The following DOCK11 variants were observed in gnomAD, a reference collection of about 807,000 sequenced individuals.
The protein encoded by DOCK11 is dedicator of cytokinesis 11, also known as dedicator of cytokinesis protein 11.
A neutral mutation model predicts 169.1 loss-of-function variants in DOCK11; 70 were observed. The observed-to-expected ratio is 0.41, with a 90% CI of 0.34 to 0.51. DOCK11 has a LOEUF of 0.51. DOCK11 is among the 20% of genes least tolerant of loss of function. The pLI is 0.10. For missense variants in DOCK11, 1,166 were observed against 1,538.8 expected (o/e 0.76, Z 4.05); for synonymous variants, 529 against 541.3 (o/e 0.98, Z 0.32).
At chrX:118,676,456 C>T (rs1481473145) in intron 47 of DOCK11, 135 bp from the exon 48 acceptor site, 2 of 370,122 alleles carry the variant, frequency 5.4e-6, no homozygotes, top group Non-Finnish European at 8.9e-6. Context: ...AGGGTAAATA[C>T]AAGCATGGGA....
rs780431716 is a variant in DOCK11, at chrX:118,618,541, G to A, written c.3293-9G>A. The stretch of plus-strand genomic sequence containing the variant: ...TCATAAATGGGTTTTAAATTTCATT[G>A]TACTGCAGATTCAAATCTTGAATAC... On this transcript the variant is annotated splice_polypyrimidine_tract_variant and intron_variant, in intron 30 of 52. Coordinates refer to ENST00000276202, the MANE Select transcript of DOCK11 (RefSeq NM_144658.4). 39 of 1,174,316 alleles carry A rather than the reference G, an allele frequency of 3.3e-5. 1 individual carries two copies. The highest frequency in any genetic ancestry group is 3.3e-4 in the Middle Eastern group (1 of 3,023).
intron 1 of DOCK11, among the ~76,000 whole-genome samples, chrX:118,523,720 G>C (rs993205241): frequency 8.9e-6 from 1 of 111,832 alleles, no homozygotes; most frequent in Admixed American, 9.5e-5. Flanking sequence ...AGAAGAAAAT[G>C]AATATGTATT....
intron 40 of DOCK11, among the ~76,000 whole-genome samples, chrX:118,648,455 G>A (rs961840150): frequency 1.1e-5 from 1 of 95,117 alleles, no homozygotes; most frequent in African/African-American, 3.8e-5. Flanking sequence ...GAACATCAAC[G>A]TGCTGAGACA....
intron 51 of DOCK11, among the ~76,000 whole-genome samples, chrX:118,682,065 A>C (rs1298118816): frequency 9.0e-6 from 1 of 111,345 alleles, no homozygotes; most frequent in Non-Finnish European, 1.9e-5. Context: ...ACACAAACAC[A>C]AGCCTATGTT....
intron 40 of DOCK11, among the ~76,000 whole-genome samples, chrX:118,647,847 TATA>T (rs1276671352): frequency 3.8e-5 from 2 of 52,530 alleles, no homozygotes; most frequent in Non-Finnish European, 6.0e-5. Context: ...TAATATATAT[TATA>T]ATATAATATT....
intron 23 of DOCK11, among the ~76,000 whole-genome samples, chrX:118,603,131 A>G (rs1403300815): frequency 8.9e-6 from 1 of 112,196 alleles, no homozygotes; most frequent in Non-Finnish European, 1.9e-5. Flanking sequence ...TTAGGGGGTA[A>G]AGTCGTGTAA....
chrX:118,673,670 A>G (rs760481260), intron 46 of DOCK11, among the ~76,000 whole-genome samples: 237 of 111,596 alleles, frequency 2.1e-3, no homozygotes, highest in African/African-American at 7.2e-3. Flanking sequence ...TGAAATTTAT[A>G]TAACATACAA....
At chrX:118,519,034 A>G (rs1374328354) in intron 1 of DOCK11, among the ~76,000 whole-genome samples, 4 of 111,815 alleles carry the variant, frequency 3.6e-5, no homozygotes, top group African/African-American at 1.3e-4. Flanking sequence ...TGGACCTTTA[A>G]TTTTTCTGCC....
At chrX:118,614,983 G>C (rs2014774325) in intron 29 of DOCK11, among the ~76,000 whole-genome samples, 1 of 112,170 alleles carries the variant, frequency 8.9e-6, no homozygotes, top group Non-Finnish European at 1.9e-5. Context: ...AGGATTCACA[G>C]ACTCAACATA....
At chrX:118,575,279 T>C (rs1031764696) in intron 12 of DOCK11, among the ~76,000 whole-genome samples, 1 of 111,610 alleles carries the variant, frequency 9.0e-6, no homozygotes, top group African/African-American at 3.3e-5. Flanking sequence ...GTTTTATACC[T>C]ACTGTATTCT....
rs187051584 is a variant in DOCK11 at position 118,567,684 on chromosome X, C to T, written c.952-395C>T. ...CTGGCCTCGAGTGATCCACCCACTTCGGCCTCCCAAAGTGCTGGGATTACC... is the reference window on the plus strand; with the variant it reads ...CTGGCCTCGAGTGATCCACCCACTTTGGCCTCCCAAAGTGCTGGGATTACC... On this transcript the variant is annotated intron_variant, in intron 9 of 52. Coordinates refer to ENST00000276202, the MANE Select transcript of DOCK11 (RefSeq NM_144658.4). Among the ~76,000 whole-genome samples, 499 of 111,131 alleles carry T rather than the reference C, an allele frequency of 4.5e-3. 2 individuals carry two copies. Among genetic ancestry groups the T allele is most frequent in the African/African-American group, 0.015 (466 of 30,581 alleles).
intron 31 of DOCK11, among the ~76,000 whole-genome samples, chrX:118,621,636 T>G (rs1410202650): frequency 9.0e-6 from 1 of 110,778 alleles, no homozygotes; most frequent in Non-Finnish European, 1.9e-5. Flanking sequence ...TAGCAATATC[T>G]CTCTCTTTTT....
Position 118,680,607 on chromosome X carries a change from A to G in DOCK11, c.5586A>G (p.Arg1862=), listed in dbSNP as rs768513237. Reference sequence around the variant, plus strand: ...TTGAAAGAAATCATAATATCAGCAGATTTGTTTTTGAGGCCCCTTACACTT... The same window carrying G: ...TTGAAAGAAATCATAATATCAGCAGGTTTGTTTTTGAGGCCCCTTACACTT... ...TEFERNHNIS[R]FVFEAPYTLS... is the part of the protein sequence containing the mutation. Residue 1862 remains arginine (R), a synonymous_variant, in exon 49 of 53, where the codon AGA becomes AGG. Transcript: ENST00000276202. 4 of 1,209,619 alleles carry G rather than the reference A, an allele frequency of 3.3e-6. No homozygotes were observed. In the South Asian group the frequency reaches 7.0e-5, roughly 21 times the overall value.
At chrX:118,559,292 G>A (rs767074357) in intron 6 of DOCK11, among the ~76,000 whole-genome samples, 3 of 111,720 alleles carry the variant, frequency 2.7e-5, no homozygotes, top group African/African-American at 9.8e-5. Context: ...CTCTTCTTCT[G>A]CCTCTCTCTT....
chrX:118,608,169 C>A (rs776541969), intron 25 of DOCK11, 28 bp downstream of exon 25: 25 of 1,191,832 alleles, frequency 2.1e-5, no homozygotes, highest in Non-Finnish European at 2.8e-5. Flanking sequence ...TCTTTCTGAG[C>A]AATTTGTTTT....
Position 118,573,280 on chromosome X carries a change from TG to T in DOCK11, c.1177-525del, listed in dbSNP as rs1216000776. ...TGCCATCTGGCATGAAATTTCTCTT[TG>T]TGACCATCTTTCAAATGCCATCTGT... On this transcript the variant is annotated intron_variant, in intron 11 of 52. Transcript: ENST00000276202. Among the ~76,000 whole-genome samples, 3 of 112,930 alleles carry T rather than the reference TG, an allele frequency of 2.7e-5. No individual in the cohort carries two copies. The East Asian group carries it at 8.3e-4, about 31-fold the overall frequency.
chrX:118,572,318 T>A lies in DOCK11; in HGVS notation c.1036-5T>A. 8.5e-7 allele frequency: 1 copy of A among 1,171,413 alleles called. No individual in the cohort carries two copies. Among genetic ancestry groups the A allele is most frequent in the South Asian group, 2.0e-5 (1 of 50,095 alleles). On this transcript the variant is annotated splice_polypyrimidine_tract_variant and splice_region_variant and intron_variant, in intron 10 of 52. Coordinates refer to ENST00000276202, the MANE Select transcript of DOCK11 (RefSeq NM_144658.4). ...TGAAAATGATTCATACTATCTCTTT[T>A]ATAGAGGTTGGACTTTTCAGGAATT...
At chrX:118,546,140 T>C in intron 6 of DOCK11, 24 bp downstream of exon 6, 1 of 986,902 alleles carries the variant, frequency 1.0e-6, no homozygotes, top group Non-Finnish European at 1.4e-6. Context: ...ATTATATTAT[T>C]CCATCATTTT....
At chrX:118,611,581 G>A (rs1176185612) in intron 28 of DOCK11, among the ~76,000 whole-genome samples, 2 of 112,215 alleles carry the variant, frequency 1.8e-5, no homozygotes, top group African/African-American at 6.5e-5. Flanking sequence ...TTGCTAATAC[G>A]TGTAAATGTA....
Sources: allele counts gnomAD v4.1 joint callset (sites outside exome capture counted in the v4.1 genomes callset), GRCh38; gene constraint gnomAD v4.1.1; transcripts MANE v1.5; gene names NCBI Gene and HGNC (gene_info 2026-07-23, HGNC 2026-07-21).